Variants in LRFN2 observed in about 807,000 individuals in gnomAD.
LRFN2 encodes the protein leucine-rich repeat and fibronectin type-III domain-containing protein 2.
Under a neutral mutation model 37.3 loss-of-function variants are expected in LRFN2, and 18 were observed. The observed-to-expected ratio is 0.48, with a 90% CI of 0.33 to 0.72. LRFN2 has a LOEUF of 0.72. Among genes scored for constraint, LRFN2 ranks in the 30% least tolerant of loss-of-function variants. LRFN2 has a pLI of 0.02. For missense variants in LRFN2, 1,006 were observed against 1,060.7 expected (o/e 0.95, Z 0.72); for synonymous variants, 556 against 466.6 (o/e 1.19, Z -2.47).
chr6:40,506,775 G>A (rs1159588379), intron 1 of LRFN2, among the ~76,000 whole-genome samples: 1 of 152,248 alleles, frequency 6.6e-6, no homozygotes, highest in East Asian at 1.9e-4. Context: ...GGATAGGGAC[G>A]GTGGGAATTC....
At chr6:40,413,021 T>A (rs1426796177) in intron 2 of LRFN2, among the ~76,000 whole-genome samples, 1 of 152,094 alleles carries the variant, frequency 6.6e-6, no homozygotes, top group Non-Finnish European at 1.5e-5. Flanking sequence ...AGCACTGCCG[T>A]GTTCCAGAGA....
intron 2 of LRFN2, among the ~76,000 whole-genome samples, chr6:40,404,102 C>T (rs1762796739): frequency 6.6e-6 from 1 of 152,186 alleles, no homozygotes; most frequent in South Asian, 2.1e-4. Flanking sequence ...GAGGCCATCC[C>T]AGATCACGTT....
Position 40,392,612 on chromosome 6 carries a change from C to G in LRFN2, c.1701G>C (p.Lys567Asn). 2 of 1,610,484 alleles carry G rather than the reference C, an allele frequency of 1.2e-6. No individual in the cohort carries two copies. The highest frequency in any genetic ancestry group is 1.3e-5 in the African/African-American group (1 of 75,078). Residue 567 changes from lysine to asparagine, a missense_variant, in exon 3 of 3, where the codon AAG (lysine) becomes AAC (asparagine). Physicochemically the swap from Lys to Asn is moderately conservative, Grantham distance 94. Around this residue, in one of 4 missense-constraint regions of LRFN2, gnomAD observed 398 missense variants for 327.6 expected, o/e 1.21. Transcript: ENST00000338305. This position sits in a 1 kb window ranked among gnomAD's most constrained non-coding sequence, Gnocchi z 4.7. ...ACACATTGCTCACGGCCGCTGCCATCTTGCTGGGGGCCTCGTGGTTGCAGA... is the reference window on the plus strand; with the variant it reads ...ACACATTGCTCACGGCCGCTGCCATGTTGCTGGGGGCCTCGTGGTTGCAGA... ...YKVCNHEAPS[K>N]MAAAVSNVYS...
intron 1 of LRFN2, among the ~76,000 whole-genome samples, chr6:40,449,882 A>G (rs1328459223): frequency 6.6e-6 from 1 of 151,568 alleles, no homozygotes; most frequent in African/African-American, 2.4e-5. Flanking sequence ...CATGATAGAG[A>G]AAAAAAAATT....
chr6:40,562,527 G>C (rs1185864544), intron 1 of LRFN2, among the ~76,000 whole-genome samples: 1 of 152,066 alleles, frequency 6.6e-6, no homozygotes, highest in Non-Finnish European at 1.5e-5. Flanking sequence ...AGAGAAAATG[G>C]GGTCCACCCA....
intron 1 of LRFN2, among the ~76,000 whole-genome samples, chr6:40,505,606 A>C (rs1397635097): frequency 6.6e-6 from 1 of 152,186 alleles, no homozygotes; most frequent in Non-Finnish European, 1.5e-5. Flanking sequence ...AGGAAACAGA[A>C]TCTGGCCCTT....
chr6:40,461,875 T>C (rs1764356325), intron 1 of LRFN2, among the ~76,000 whole-genome samples: 1 of 152,140 alleles, frequency 6.6e-6, no homozygotes, highest in Middle Eastern at 3.2e-3. Flanking sequence ...TAGAGACAAT[T>C]TGATACAATA....
intron 1 of LRFN2, among the ~76,000 whole-genome samples, chr6:40,502,840 T>C (rs566198768): frequency 6.6e-6 from 1 of 152,282 alleles, no homozygotes; most frequent in Admixed American, 6.5e-5. Context: ...GCAGAAATGA[T>C]CAGACAGCCA....
chr6:40,481,199 G>A (rs1201115308), intron 1 of LRFN2, among the ~76,000 whole-genome samples: 1 of 152,164 alleles, frequency 6.6e-6, no homozygotes, highest in African/African-American at 2.4e-5. Flanking sequence ...ACTTTGGGAG[G>A]TGGAGGCAGG....
chr6:40,512,249 C>A (rs1254234385), intron 1 of LRFN2, among the ~76,000 whole-genome samples: 18 of 152,174 alleles, frequency 1.2e-4, no homozygotes, highest in Admixed American at 1.0e-3. Context: ...CCTTTGCCTG[C>A]ACTTAGGGAG....
At chr6:40,496,606 C>T (rs1484276552) in intron 1 of LRFN2, among the ~76,000 whole-genome samples, 5 of 152,080 alleles carry the variant, frequency 3.3e-5, no homozygotes. Flanking sequence ...CATCATTTGG[C>T]TCTCAGGTCA....
intron 2 of LRFN2, among the ~76,000 whole-genome samples, chr6:40,417,215 C>G (rs762707108): frequency 6.6e-6 from 1 of 152,228 alleles, no homozygotes; most frequent in Non-Finnish European, 1.5e-5. Context: ...CTGGCTCACA[C>G]GCGGTGGCAT....
intron 2 of LRFN2, among the ~76,000 whole-genome samples, chr6:40,404,034 T>C (rs577505650): frequency 1.3e-5 from 2 of 152,320 alleles, no homozygotes; most frequent in Admixed American, 6.5e-5. Context: ...CCTCCAGATA[T>C]TTATATGCTA....
chr6:40,430,872 T>G (rs1763462108), intron 2 of LRFN2, among the ~76,000 whole-genome samples: 1 of 152,104 alleles, frequency 6.6e-6, no homozygotes, highest in African/African-American at 2.4e-5. Context: ...GAAGCTCTTC[T>G]CCCTCTAGGG....
At chr6:40,437,085 T>A (rs1470585245) in intron 1 of LRFN2, among the ~76,000 whole-genome samples, 2 of 152,066 alleles carry the variant, frequency 1.3e-5, no homozygotes. Context: ...AGTAAATGCA[T>A]CAGTGTTCTA....
chr6:40,465,142 G>A (rs982982473), intron 1 of LRFN2, among the ~76,000 whole-genome samples: 1 of 152,056 alleles, frequency 6.6e-6, no homozygotes, highest in African/African-American at 2.4e-5. Context: ...ACTGTTTCTG[G>A]CTTTGAGGGA....
At chr6:40,473,131 C>A (rs1764639906) in intron 1 of LRFN2, among the ~76,000 whole-genome samples, 2 of 152,172 alleles carry the variant, frequency 1.3e-5, no homozygotes, top group Admixed American at 1.3e-4. Context: ...GATAGGTGAT[C>A]TTCTGGGCCC....
At chr6:40,572,632 A>G (rs1371001575) in intron 1 of LRFN2, among the ~76,000 whole-genome samples, 1 of 152,224 alleles carries the variant, frequency 6.6e-6, no homozygotes, top group Admixed American at 6.5e-5. Context: ...AACATCATTT[A>G]GAATTTATAG....
chr6:40,420,089 C>CA (rs1204889071), intron 2 of LRFN2, among the ~76,000 whole-genome samples: 2 of 152,230 alleles, frequency 1.3e-5, no homozygotes, highest in Admixed American at 1.3e-4. Flanking sequence ...ACCACAGCAT[C>CA]AGCCCCACAG....
Sources: gnomAD v4.1 joint callset for allele counts (sites outside exome capture counted in the v4.1 genomes callset) on GRCh38, gnomAD v4.1.1 for gene constraint, gnomAD v4.1.1 regional missense constraint, Gnocchi (gnomAD v3.1) non-coding constraint, MANE v1.5 for transcripts, NCBI Gene and HGNC (gene_info 2026-07-23, HGNC 2026-07-21) for gene names.